The following C10orf90 variants were observed in gnomAD, a reference collection of about 807,000 sequenced individuals.
C10orf90 encodes the protein (E2-independent) E3 ubiquitin-conjugating enzyme FATS.
Under a neutral mutation model 62.5 loss-of-function variants are expected in C10orf90, and 56 were observed. That is an observed-to-expected ratio of 0.90 (90% CI 0.72 to 1.12). The LOEUF (loss-of-function observed/expected upper bound fraction) is 1.12, where lower values mean the gene tolerates loss of function less well. Among genes scored for constraint, C10orf90 ranks in the 50% most tolerant of loss-of-function variants. C10orf90 has a pLI of 0.00. For missense variants in C10orf90, 970 were observed against 880.4 expected, an observed-to-expected ratio of 1.10 and a Z score of -1.29; for synonymous variants, 386 against 340.4, an observed-to-expected ratio of 1.13 and a Z score of -1.47.
chr10:126,639,349 G>A (rs761404376), intron 2 of C10orf90, among the ~76,000 whole-genome samples: 11 of 152,146 alleles, frequency 7.2e-5, no homozygotes, highest in Non-Finnish European at 1.3e-4. Context: ...GCCTCTTAAC[G>A]ATATCTCCCC....
At chr10:126,576,174 A>G (rs1050543188) in intron 2 of C10orf90, among the ~76,000 whole-genome samples, 4 of 152,170 alleles carry the variant, frequency 2.6e-5, no homozygotes, top group African/African-American at 9.6e-5. Context: ...CAAACTATTC[A>G]TCCAACAAGA....
intron 2 of C10orf90, among the ~76,000 whole-genome samples, chr10:126,514,151 C>G (rs972028602): frequency 6.6e-6 from 1 of 152,174 alleles, no homozygotes; most frequent in Admixed American, 6.5e-5. Flanking sequence ...GTTTATTCAG[C>G]TGCAAGATTT....
intron 2 of C10orf90, among the ~76,000 whole-genome samples, chr10:126,514,308 T>C (rs1863308894): frequency 6.6e-6 from 1 of 152,178 alleles, no homozygotes; most frequent in African/African-American, 2.4e-5. Context: ...GAGCTAAGAA[T>C]GGGTGAAATA....
rs969031583 is a variant in C10orf90, at chr10:126,513,909, T to A, written c.344A>T (p.Asp115Val). Reference protein sequence around the residue: ...GLRDSYHSRRDQIALKNLQSD... With the variant: ...GLRDSYHSRRVQIALKNLQSD... ...CTGGAGATTTTTAAGGGCAATTTGA[T>A]CTCTTCTACTGTGGTAGCTGTCCCG... is the stretch of plus-strand genomic sequence containing the variant. Residue 115 changes from aspartate (D) to valine (V), a missense_variant, in exon 3 of 10, where the codon GAT becomes GTT. By Grantham distance (152) the Asp-to-Val change is radical (BLOSUM62 -3). Transcript: ENST00000488181. The A allele has an allele frequency of 5.6e-6, 9 of 1,613,320 alleles. No individual in the cohort carries two copies. Among genetic ancestry groups the A allele is most frequent in the Non-Finnish European group, 7.6e-6 (9 of 1,179,442 alleles).
intron 2 of C10orf90, among the ~76,000 whole-genome samples, chr10:126,598,071 C>T (rs185435210): frequency 6.6e-6 from 1 of 152,264 alleles, no homozygotes; most frequent in Admixed American, 6.5e-5. Context: ...CAATGGCATT[C>T]CTCTGAACTG....
intron 2 of C10orf90, among the ~76,000 whole-genome samples, chr10:126,601,010 C>A (rs947246352): frequency 6.6e-6 from 1 of 152,198 alleles, no homozygotes; most frequent in Non-Finnish European, 1.5e-5. Context: ...GAGTATTATT[C>A]AGCCTTTAAA....
chr10:126,458,166 T>G (rs1859707394), intron 7 of C10orf90, among the ~76,000 whole-genome samples: 1 of 152,144 alleles, frequency 6.6e-6, no homozygotes, highest in Non-Finnish European at 1.5e-5. Flanking sequence ...GCACCCAGAA[T>G]AAGATCTTGG....
chr10:126,531,969 G>A (rs895665566), intron 2 of C10orf90, among the ~76,000 whole-genome samples: 4 of 152,126 alleles, frequency 2.6e-5, no homozygotes, highest in Non-Finnish European at 4.4e-5. Flanking sequence ...TGGAGTTACC[G>A]AATATTTAAC....
chr10:126,575,901 C>T lies in C10orf90; in HGVS notation c.314-61962G>A, dbSNP rs922190221. Among the ~76,000 whole-genome samples the T allele has an allele frequency of 4.6e-5, 7 of 152,190 alleles. No individual in the cohort carries two copies. The East Asian group carries it at 1.4e-3, about 29-fold the overall frequency. On this transcript the variant is annotated intron_variant, in intron 2 of 9. Transcript: ENST00000488181. ...AGAATGAAACTACGTTCCAACCTCT[C>T]ACCTTGTAAAAAATTCAATTCAAAA...
At chr10:126,449,604 A>G (rs555964309) in intron 7 of C10orf90, among the ~76,000 whole-genome samples, 44 of 152,228 alleles carry the variant, frequency 2.9e-4, no homozygotes, top group Non-Finnish European at 6.2e-4. Context: ...ACCTCTGCAG[A>G]TGACATGATC....
At chr10:126,452,386 A>G (rs1430668582) in intron 7 of C10orf90, among the ~76,000 whole-genome samples, 1 of 152,142 alleles carries the variant, frequency 6.6e-6, no homozygotes, top group Non-Finnish European at 1.5e-5. Context: ...GTTTCCCAGC[A>G]TTTTTTAGAG....
chr10:126,430,759 G>A (rs1857525571), intron 7 of C10orf90, among the ~76,000 whole-genome samples: 1 of 152,144 alleles, frequency 6.6e-6, no homozygotes, highest in Non-Finnish European at 1.5e-5. Flanking sequence ...GTTGGAGTGG[G>A]GCTCCTGCGA....
At chr10:126,470,084 A>C in intron 4 of C10orf90, 1 of 450,030 alleles carries the variant, frequency 2.2e-6, no homozygotes, top group Non-Finnish European at 4.5e-6. Context: ...CATGTTGCAT[A>C]CTGCAGGGGG....
At chr10:126,599,245 C>A (rs528456521) in intron 2 of C10orf90, among the ~76,000 whole-genome samples, 1 of 145,138 alleles carries the variant, frequency 6.9e-6, no homozygotes, top group South Asian at 2.2e-4. Context: ...AGTGCAGTGG[C>A]GGGGATCTCA....
intron 2 of C10orf90, among the ~76,000 whole-genome samples, chr10:126,539,150 G>A (rs768224551): frequency 7.2e-5 from 11 of 152,162 alleles, no homozygotes; most frequent in Non-Finnish European, 1.3e-4. Context: ...CCTTTCCACC[G>A]CAGTGGCAGA....
intron 2 of C10orf90, among the ~76,000 whole-genome samples, chr10:126,560,695 C>T (rs983938329): frequency 5.3e-5 from 8 of 152,132 alleles, no homozygotes; most frequent in African/African-American, 1.9e-4. Context: ...TCTGAAAGGG[C>T]CAGAGAGTCA....
chr10:126,521,255 T>C, intron 2 of C10orf90: 2 of 1,601,910 alleles, frequency 1.2e-6, no homozygotes, highest in Middle Eastern at 1.7e-4. Flanking sequence ...GATTACTTTA[T>C]ATTTTAATAA....
chr10:126,619,388 C>T (rs890501183), intron 2 of C10orf90, among the ~76,000 whole-genome samples: 4 of 152,178 alleles, frequency 2.6e-5, no homozygotes, highest in Admixed American at 6.5e-5. Flanking sequence ...CAAGTAGTTG[C>T]GCCAGTTCTT....
At position 126,442,978 on chromosome 10, in the gene C10orf90, AACC is replaced by A. The variant is rs1261870109; in HGVS notation, c.2189-13131_2189-13129del. Among the ~76,000 whole-genome samples the A allele has an allele frequency of 2.0e-5, 3 of 152,156 alleles. No individual in the cohort carries two copies. The East Asian group carries it at 5.8e-4, about 29-fold the overall frequency. ...TCAAACTAAATTACAATAGTGACATAACCTATCAAAACCTCTGGGATACAGCAA... is the reference window on the plus strand; with the variant it reads ...TCAAACTAAATTACAATAGTGACATATATCAAAACCTCTGGGATACAGCAA... On this transcript the variant is annotated intron_variant, in intron 7 of 9. Transcript: ENST00000488181.
Sources: gnomAD v4.1 joint callset for allele counts (sites outside exome capture counted in the v4.1 genomes callset) on GRCh38, gnomAD v4.1.1 for gene constraint, MANE v1.5 for transcripts, NCBI Gene and HGNC (gene_info 2026-07-23, HGNC 2026-07-21) for gene names.